Variants in ACTN1 observed in about 807,000 individuals in gnomAD.
ACTN1 encodes the protein alpha-actinin-1.
In ACTN1, 30 loss-of-function variants were observed where a neutral mutation model predicts 119.6. That is an observed-to-expected ratio of 0.25 (90% CI 0.19 to 0.34). The LOEUF (loss-of-function observed/expected upper bound fraction) is 0.34, where lower values mean the gene tolerates loss of function less well. ACTN1 is among the 10% of genes least tolerant of loss of function. The probability of loss-of-function intolerance (pLI) is 1.00; values close to 1 mark genes in which losing one functional copy is unlikely to be tolerated. For synonymous variants in ACTN1, 429 were observed against 472.6 expected, an observed-to-expected ratio of 0.91 and a Z score of 1.20; for missense variants, 764 against 1,223.4, an observed-to-expected ratio of 0.62 and a Z score of 5.60.
intron 11 of ACTN1, chr14:68,888,178 C>G: frequency 2.0e-6 from 1 of 491,170 alleles, no homozygotes; most frequent in South Asian, 2.0e-5. Context: ...TGCCACTCCT[C>G]ACGCCCAGGA....
chr14:68,915,968 C>T (rs1229298948), intron 3 of ACTN1, among the ~76,000 whole-genome samples: 4 of 152,120 alleles, frequency 2.6e-5, no homozygotes, highest in Non-Finnish European at 4.4e-5. Flanking sequence ...AAGCTGAGAT[C>T]GTGCCACTGC....
chr14:68,887,846 AT>A, intron 11 of ACTN1: 1 of 842,430 alleles, frequency 1.2e-6, no homozygotes. Context: ...CTCACTTTTC[AT>A]TTCCCCGTTT....
At chr14:68,876,401 T>C (rs546764445) in intron 21 of ACTN1, among the ~76,000 whole-genome samples, 2 of 151,954 alleles carry the variant, frequency 1.3e-5, no homozygotes, top group African/African-American at 4.8e-5. Context: ...TTCTTCTGGC[T>C]GCTCTGTGAG....
At chr14:68,977,806 C>A in intron 1 of ACTN1, 1 of 368,946 alleles carries the variant, frequency 2.7e-6, no homozygotes, top group Non-Finnish European at 5.5e-6. Flanking sequence ...CCTGTCCCCC[C>A]CCCACCCAAA....
chr14:68,952,099 T>C (rs915727958), intron 1 of ACTN1, among the ~76,000 whole-genome samples: 9 of 151,736 alleles, frequency 5.9e-5, no homozygotes, highest in Admixed American at 2.6e-4. Flanking sequence ...CTGAGGGAGG[T>C]CTGGTTCAGT....
At chr14:68,948,096 G>T (rs1340815380) in intron 1 of ACTN1, among the ~76,000 whole-genome samples, 3 of 152,336 alleles carry the variant, frequency 2.0e-5, no homozygotes, top group South Asian at 2.1e-4. Flanking sequence ...TCTCCCAGGG[G>T]AGTAGGGCTT....
At chr14:68,893,851 TG>T (rs1172547830) in intron 8 of ACTN1, 104 bp from the exon 9 acceptor site, 14 of 1,082,284 alleles carry the variant, frequency 1.3e-5, no homozygotes, top group Non-Finnish European at 1.9e-5. Flanking sequence ...CAGCTCCCTG[TG>T]GTTGGAAGGG....
chr14:68,927,105 G>A (rs1014037054), intron 1 of ACTN1, among the ~76,000 whole-genome samples: 11 of 152,266 alleles, frequency 7.2e-5, no homozygotes, highest in South Asian at 2.1e-4. Context: ...GAGAAACGGC[G>A]TATTGTGCTA....
intron 1 of ACTN1, among the ~76,000 whole-genome samples, chr14:68,976,276 A>G (rs2037056490): frequency 6.6e-6 from 1 of 151,758 alleles, no homozygotes; most frequent in Non-Finnish European, 1.5e-5. Context: ...TCCCCTCCTC[A>G]CACTCACTCC....
At chr14:68,965,379 G>C (rs1269881417) in intron 1 of ACTN1, among the ~76,000 whole-genome samples, 1 of 152,244 alleles carries the variant, frequency 6.6e-6, no homozygotes, top group Non-Finnish European at 1.5e-5. Context: ...CCCTTGGGCA[G>C]ATTCCAGGCT....
In ACTN1 at chr14:68,909,935, C is replaced by T. The variant is rs751071601; in HGVS notation, c.515+20G>A. On this transcript the variant is annotated intron_variant, in intron 5 of 21. Transcript: ENST00000394419. This position sits in a 1 kb window ranked among gnomAD's most constrained non-coding sequence, Gnocchi z 4.1. ...GAGGCAGCCTGGTTCTGTGAGAGCC[C>T]CTCAGACCCCAGCACTCACCTTATG... 16 of 1,609,762 alleles carry T rather than the reference C, an allele frequency of 9.9e-6. No individual in the cohort carries two copies. In the South Asian group the frequency reaches 1.8e-4, roughly 18 times the overall value.
intron 6 of ACTN1, among the ~76,000 whole-genome samples, chr14:68,908,912 G>A (rs4902667): frequency 0.02 from 3,095 of 152,330 alleles, 106 homozygotes; most frequent in African/African-American, 0.068. Context: ...GCCCAGGACC[G>A]CACAGCAGGT....
intron 1 of ACTN1, among the ~76,000 whole-genome samples, chr14:68,956,867 G>A (rs1566672445): frequency 2.0e-5 from 3 of 152,020 alleles, no homozygotes; most frequent in South Asian, 4.2e-4. Context: ...TGGTTTTCTG[G>A]GTGGGGAGAG....
At chr14:68,876,800 C>T (rs1027127753) in intron 21 of ACTN1, among the ~76,000 whole-genome samples, 3 of 152,188 alleles carry the variant, frequency 2.0e-5, no homozygotes, top group South Asian at 2.1e-4. Context: ...CACATCCACA[C>T]CACTCTATTC....
chr14:68,944,743 G>C (rs115861465), intron 1 of ACTN1, among the ~76,000 whole-genome samples: 1 of 152,098 alleles, frequency 6.6e-6, no homozygotes, highest in Non-Finnish European at 1.5e-5. Flanking sequence ...TAGATGAAAA[G>C]TTCGTAAATG....
chr14:68,946,657 C>A (rs1470146906), intron 1 of ACTN1, among the ~76,000 whole-genome samples: 1 of 152,148 alleles, frequency 6.6e-6, no homozygotes, highest in Non-Finnish European at 1.5e-5. Flanking sequence ...CCCAAGGCCC[C>A]ACATGCTCAC....
chr14:68,881,521 C>A (rs916520659), intron 16 of ACTN1, among the ~76,000 whole-genome samples: 2 of 152,178 alleles, frequency 1.3e-5, no homozygotes, highest in Non-Finnish European at 1.5e-5. Flanking sequence ...ATGTAAACAA[C>A]CATTGTTTGT....
chr14:68,875,055 A>C, intron 21 of ACTN1, 38 bp from the exon 22 acceptor site: 1 of 1,606,690 alleles, frequency 6.2e-7, no homozygotes, highest in Middle Eastern at 1.7e-4. Context: ...CGCAAAGTCC[A>C]GCAGCCGTAA....
At chr14:68,928,303 C>A (rs60621152) in intron 1 of ACTN1, among the ~76,000 whole-genome samples, 10,164 of 152,208 alleles carry the variant, frequency 0.067, 510 homozygotes, top group African/African-American at 0.11. Context: ...ACAAAACACA[C>A]CTATGTTTGC....
Sources: gnomAD v4.1 joint callset for allele counts (sites outside exome capture counted in the v4.1 genomes callset) on GRCh38, gnomAD v4.1.1 for gene constraint, Gnocchi (gnomAD v3.1) non-coding constraint, MANE v1.5 for transcripts, NCBI Gene and HGNC (gene_info 2026-07-23, HGNC 2026-07-21) for gene names.